The following CEMIP variants were observed in gnomAD, a reference collection of about 807,000 sequenced individuals.
The protein encoded by CEMIP is cell migration-inducing and hyaluronan-binding protein.
Under a neutral mutation model 156.9 loss-of-function variants are expected in CEMIP, and 105 were observed. The ratio of observed to expected loss-of-function variants is 0.67; its 90% CI spans 0.57 to 0.79. CEMIP has a LOEUF of 0.79. Among genes scored for constraint, CEMIP ranks in the 30% least tolerant of loss-of-function variants. CEMIP has a pLI of 0.00. For missense variants in CEMIP, 1,457 were observed against 1,769.4 expected (o/e 0.82, Z 3.17); for synonymous variants, 676 against 668.4 (o/e 1.01, Z -0.17).
chr15:80,869,806 G>C (rs776035482), intron 1 of CEMIP, among the ~76,000 whole-genome samples: 1 of 152,138 alleles, frequency 6.6e-6, no homozygotes, highest in Admixed American at 6.5e-5. Context: ...ATAGCTCATG[G>C]TTATCAGTAG....
chr15:80,918,858 C>A (rs951186126), intron 14 of CEMIP, among the ~76,000 whole-genome samples: 2 of 152,072 alleles, frequency 1.3e-5, no homozygotes, highest in Admixed American at 1.3e-4. Flanking sequence ...GCCCAGGCTA[C>A]AGGCCCTCTG....
intron 1 of CEMIP, among the ~76,000 whole-genome samples, chr15:80,852,851 A>G (rs1897747202): frequency 6.6e-6 from 1 of 152,154 alleles, no homozygotes; most frequent in Admixed American, 6.5e-5. Flanking sequence ...TCTTTGTTCC[A>G]ACATGGATTG....
At chr15:80,825,340 C>T (rs1897008990) in intron 1 of CEMIP, among the ~76,000 whole-genome samples, 1 of 152,266 alleles carries the variant, frequency 6.6e-6, no homozygotes, top group South Asian at 2.1e-4. Flanking sequence ...AACTGAGGCT[C>T]AGCAAGGTTA....
Position 80,880,963 on chromosome 15 carries a change from A to G in CEMIP, c.444A>G (p.Gly148=). 6.2e-7 allele frequency: 1 copy of G among 1,614,168 alleles called. No individual in the cohort carries two copies. The highest frequency in any genetic ancestry group is 8.5e-7 in the Non-Finnish European group (1 of 1,180,018). ...YGLKYIGVGK[G]GALELHGQKK... ...TGAAGTACATTGGGGTTGGTAAAGG[A>G]GGCGCTCTTGAGTTGCATGGACAGA... The change falls in exon 6 of 30, where the codon GGA becomes GGG. Residue 148 remains glycine (G), a synonymous_variant. Transcript: ENST00000394685.
chr15:80,904,868 C>T (rs1045260934), intron 12 of CEMIP, among the ~76,000 whole-genome samples: 7 of 152,136 alleles, frequency 4.6e-5, no homozygotes, highest in African/African-American at 1.4e-4. Flanking sequence ...CCTAAGTTTA[C>T]GGTAATTTGT....
chr15:80,933,475 C>G lies in CEMIP; in HGVS notation c.3009+15C>G. 6.2e-7 allele frequency: 1 copy of G among 1,604,606 alleles called. No individual in the cohort carries two copies. Among genetic ancestry groups the G allele is most frequent in the East Asian group, 2.2e-5 (1 of 44,788 alleles). On this transcript the variant is annotated intron_variant, in intron 23 of 29. Coordinates refer to ENST00000394685, the MANE Select transcript of CEMIP (RefSeq NM_001293298.2). The stretch of plus-strand genomic sequence containing the variant: ...GCTATGCACAGGTGGGGACACCATT[C>G]TGGGGGCCGGCCACTCACTTATTCA...
rs1899822455 is a variant in CEMIP at position 80,906,727 on chromosome 15, G to T, written c.1476G>T (p.Gly492=). The stretch of plus-strand genomic sequence containing the variant: ...GCGTGGACATGCGGGCGGAGGTTGG[G>T]CTTCTGAGCCGGAACATCATAGTGA... ...IDGVDMRAEV[G]LLSRNIIVMG... Residue 492 remains glycine (G), a synonymous_variant, in exon 13 of 30, where the codon GGG becomes GGT. Transcript: ENST00000394685. This position sits in a 1 kb window ranked among gnomAD's most constrained non-coding sequence, Gnocchi z 4.3. 1.2e-6 allele frequency: 2 copies of T among 1,614,166 alleles called. No individual in the cohort carries two copies. The highest frequency in any genetic ancestry group is 8.5e-7 in the Non-Finnish European group (1 of 1,180,024).
intron 21 of CEMIP, among the ~76,000 whole-genome samples, chr15:80,929,606 C>G (rs1399525483): frequency 6.6e-6 from 1 of 152,108 alleles, no homozygotes; most frequent in Non-Finnish European, 1.5e-5. Flanking sequence ...ATGTCACATG[C>G]AGGTTGGGGT....
chr15:80,886,245 C>G (rs1393504904), intron 7 of CEMIP, among the ~76,000 whole-genome samples: 1 of 151,946 alleles, frequency 6.6e-6, no homozygotes, highest in African/African-American at 2.4e-5. Context: ...GCATGCCTCT[C>G]CCAAAGAAGG....
chr15:80,803,317 C>G (rs1438750965), intron 1 of CEMIP, among the ~76,000 whole-genome samples: 1 of 152,166 alleles, frequency 6.6e-6, no homozygotes, highest in Non-Finnish European at 1.5e-5. Flanking sequence ...TTTCAGAAAG[C>G]TATGGATGAC....
intron 27 of CEMIP, 73 bp from the exon 28 acceptor site, chr15:80,942,872 G>A: frequency 1.3e-6 from 2 of 1,583,596 alleles, no homozygotes. Context: ...GGGTCTGCTT[G>A]GGAACCACCT....
At chr15:80,841,711 G>A (rs566126323) in intron 1 of CEMIP, among the ~76,000 whole-genome samples, 1 of 152,170 alleles carries the variant, frequency 6.6e-6, no homozygotes, top group Non-Finnish European at 1.5e-5. Flanking sequence ...CCTCCAGGGG[G>A]TGTTGGCCAA....
In CEMIP at chr15:80,936,760, G is replaced by A. The variant is rs759019143; in HGVS notation, c.3096G>A (p.Gly1032=). 6.2e-7 allele frequency: 1 copy of A among 1,614,110 alleles called. No homozygotes were observed. The highest frequency in any genetic ancestry group is 1.1e-5 in the South Asian group (1 of 91,082). The change falls in exon 24 of 30, where the codon GGG becomes GGA. Residue 1032 remains glycine (G), a synonymous_variant. Transcript: ENST00000394685. ...DFPSHPLYLE[G]ALTRSTHYQQ... ...CCAGCCACCCTCTTTACCTGGAGGG[G>A]GCGCTCACCAGGAGCACCCATTACC... is the stretch of plus-strand genomic sequence containing the variant.
chr15:80,816,622 T>A (rs1170481068), intron 1 of CEMIP, among the ~76,000 whole-genome samples: 1 of 152,136 alleles, frequency 6.6e-6, no homozygotes, highest in Non-Finnish European at 1.5e-5. Context: ...GATTGAATCA[T>A]CTCCACTGAA....
intron 12 of CEMIP, among the ~76,000 whole-genome samples, chr15:80,899,083 C>T (rs1463882021): frequency 2.0e-5 from 3 of 151,872 alleles, no homozygotes; most frequent in Admixed American, 6.6e-5. Context: ...TGTAGTGGCG[C>T]GTGCCTGTAA....
intron 1 of CEMIP, among the ~76,000 whole-genome samples, chr15:80,832,636 G>T (rs1897182074): frequency 6.6e-6 from 1 of 152,152 alleles, no homozygotes; most frequent in Admixed American, 6.5e-5. Flanking sequence ...GGGTATCAAA[G>T]TGGCAGCTCA....
At chr15:80,839,289 A>AGTGT (rs34172431) in intron 1 of CEMIP, among the ~76,000 whole-genome samples, 27,421 of 130,944 alleles carry the variant, frequency 0.21, 3,179 homozygotes, top group Middle Eastern at 0.3. Flanking sequence ...CAAGGCCGTG[A>AGTGT]GTGTGTGTGT....
At chr15:80,917,049 C>T (rs1900300560) in intron 14 of CEMIP, among the ~76,000 whole-genome samples, 2 of 152,126 alleles carry the variant, frequency 1.3e-5, no homozygotes, top group African/African-American at 4.8e-5. Flanking sequence ...CTTATAGAAT[C>T]GTAGTTGTGA....
chr15:80,810,966 CCTGT>C (rs1382798599), intron 1 of CEMIP, among the ~76,000 whole-genome samples: 14 of 152,112 alleles, frequency 9.2e-5, no homozygotes, highest in Non-Finnish European at 1.9e-4. Context: ...CATTCATTTG[CCTGT>C]CTATTTACCA....
Sources: allele counts gnomAD v4.1 joint callset (sites outside exome capture counted in the v4.1 genomes callset), GRCh38; gene constraint gnomAD v4.1.1; non-coding constraint Gnocchi (gnomAD v3.1); transcripts MANE v1.5; gene names NCBI Gene and HGNC (gene_info 2026-07-23, HGNC 2026-07-21).